GRIK3: variants seen among roughly 807,000 people sequenced by gnomAD.
The protein encoded by GRIK3 is glutamate receptor ionotropic, kainate 3.
A neutral mutation model predicts 102.5 loss-of-function variants in GRIK3; 29 were observed. The ratio of observed to expected loss-of-function variants is 0.28; its 90% confidence interval spans 0.21 to 0.39. The LOEUF (loss-of-function observed/expected upper bound fraction) is 0.39, where lower values mean the gene tolerates loss of function less well. GRIK3 is among the 10% of genes least tolerant of loss of function. GRIK3 has a pLI of 1.00. For synonymous variants in GRIK3, 511 were observed against 504.9 expected, an observed-to-expected ratio of 1.01 and a Z score of -0.16; for missense variants, 908 against 1,252.4, an observed-to-expected ratio of 0.73 and a Z score of 4.15.
intron 10 of GRIK3, among the ~76,000 whole-genome samples, chr1:36,829,412 T>G (rs533122711): frequency 2.0e-5 from 3 of 151,614 alleles, no homozygotes; most frequent in South Asian, 2.1e-4. Flanking sequence ...GTTTTTTGTT[T>G]TTTTTTTTTA....
intron 1 of GRIK3, among the ~76,000 whole-genome samples, chr1:36,957,947 C>A (rs373677409): frequency 1.4e-5 from 1 of 69,984 alleles, no homozygotes. Context: ...GCCTGTGTGT[C>A]CCATGACTCT....
In GRIK3 at chr1:36,802,055, G is replaced by C. The variant is rs369295496; in HGVS notation, c.2566-10C>G. On this transcript the variant is annotated splice_polypyrimidine_tract_variant and intron_variant, in intron 15 of 15. Transcript: ENST00000373091. ...TGCTGCAGAAGGAACGCTGCAGGAG[G>C]GTGGAGGAGAGGGGTCGGAAAAGGG... 1.3e-6 allele frequency: 2 copies of C among 1,598,254 alleles called. No individual in the cohort carries two copies. Among genetic ancestry groups the C allele is most frequent in the African/African-American group, 2.7e-5 (2 of 74,586 alleles).
rs191138981 is a variant in GRIK3 at position 36,805,718 on chromosome 1, C to T, written c.2314+386G>A. Among the ~76,000 whole-genome samples the T allele has an allele frequency of 1.4e-4, 21 of 152,110 alleles. No individual in the cohort carries two copies. In the East Asian group the frequency reaches 3.7e-3, roughly 27 times the overall value. Reference sequence around the variant, plus strand: ...TTGGGAGGCTGAGGTGGGGAGATCACGTGAGGTCGGGAGTTCGAGACCAGC... The same window carrying T: ...TTGGGAGGCTGAGGTGGGGAGATCATGTGAGGTCGGGAGTTCGAGACCAGC... On this transcript the variant is annotated intron_variant, in intron 14 of 15. Transcript: ENST00000373091.
chr1:36,902,532 A>T (rs1329651170), intron 1 of GRIK3, among the ~76,000 whole-genome samples: 1 of 152,206 alleles, frequency 6.6e-6, no homozygotes, highest in African/African-American at 2.4e-5. Context: ...TCCACATGCA[A>T]AAAAGAATCT....
rs774258723 is a variant in GRIK3 at position 36,986,465 on chromosome 1, C to CCCATCCAT, written c.115+47521_115+47528dup. Among the ~76,000 whole-genome samples, 606 of 115,236 alleles carry CCCATCCAT rather than the reference C, an allele frequency of 5.3e-3. 3 individuals are homozygous for CCCATCCAT. Among genetic ancestry groups the CCCATCCAT allele is most frequent in the African/African-American group, 8.2e-3 (257 of 31,322 alleles). The allele number at this position is 115,236 out of a possible 152,430, so 75.6% of individuals were successfully genotyped here. A position where few individuals can be genotyped will look rare whatever the true frequency, so the allele number is the denominator to read the frequency against. On this transcript the variant is annotated intron_variant, in intron 1 of 15. Coordinates refer to ENST00000373091, the MANE Select transcript of GRIK3 (RefSeq NM_000831.4). ...ATCCATCCATCCATCCATCCATCAGCCCATCCATCCATCCATCCATCCATC... is the reference window on the plus strand; with the variant it reads ...ATCCATCCATCCATCCATCCATCAGCCCATCCATCCATCCATCCATCCATCCATCCATC...
chr1:36,939,108 A>T (rs889939558), intron 1 of GRIK3, among the ~76,000 whole-genome samples: 3 of 152,228 alleles, frequency 2.0e-5, no homozygotes, highest in African/African-American at 7.2e-5. Context: ...CTACTGACAC[A>T]TCAGCTACTT....
chr1:36,864,214 G>A lies in GRIK3; in HGVS notation c.787-4197C>T, dbSNP rs376475941. On this transcript the variant is annotated intron_variant, in intron 5 of 15. Coordinates refer to ENST00000373091, the MANE Select transcript of GRIK3 (RefSeq NM_000831.4). Reference sequence around the variant, plus strand: ...TCTACAGACTGGAAGTTTAGGAGAGGGTTGGTAAACTGCCTGGGGTGGAGG... The same window carrying A: ...TCTACAGACTGGAAGTTTAGGAGAGAGTTGGTAAACTGCCTGGGGTGGAGG... 5.3e-5 allele frequency among the ~76,000 whole-genome samples: 8 copies of A among 152,246 alleles called. 1 individual carries two copies. The highest frequency in any genetic ancestry group is 1.9e-4 in the African/African-American group (8 of 41,550).
chr1:36,846,234 C>T (rs1345602094), intron 9 of GRIK3, among the ~76,000 whole-genome samples: 1 of 152,136 alleles, frequency 6.6e-6, no homozygotes, highest in Non-Finnish European at 1.5e-5. Context: ...TCTCCTGCTG[C>T]TGCTGTTTCC....
At chr1:37,017,963 A>AT in intron 1 of GRIK3, among the ~76,000 whole-genome samples, 1 of 152,016 alleles carries the variant, frequency 6.6e-6, no homozygotes, top group Middle Eastern at 3.4e-3. Context: ...TGATGCTGCC[A>AT]TTTTTTTCAG....
chr1:36,979,633 A>G (rs1642230031), intron 1 of GRIK3, among the ~76,000 whole-genome samples: 1 of 152,228 alleles, frequency 6.6e-6, no homozygotes, highest in Non-Finnish European at 1.5e-5. Context: ...CCTGGCTCAT[A>G]AAGAAGAGTT....
chr1:36,911,593 C>T (rs188893088), intron 1 of GRIK3, among the ~76,000 whole-genome samples: 161 of 152,078 alleles, frequency 1.1e-3, no homozygotes, highest in African/African-American at 3.1e-3. Context: ...GATTGAGTTC[C>T]GGGGCCTGGT....
At chr1:37,017,960 G>C (rs956137176) in intron 1 of GRIK3, among the ~76,000 whole-genome samples, 12 of 152,116 alleles carry the variant, frequency 7.9e-5, no homozygotes, top group African/African-American at 2.9e-4. Flanking sequence ...TGCTGATGCT[G>C]CCATTTTTTT....
rs114552030 is a variant in GRIK3 at position 36,801,894 on chromosome 1, T to C, written c.2717A>G (p.Asp906Gly). 2 of 1,613,268 alleles carry C rather than the reference T, an allele frequency of 1.2e-6. No individual in the cohort carries two copies. Among genetic ancestry groups the C allele is most frequent in the East Asian group, 2.2e-5 (1 of 44,876 alleles). ...TAAGGATGTGCTGCAGGCCATGCTG[T>C]CCTTGCCGGGAAGCCGGCGGTCATT... The part of the protein sequence containing the change: ...TFNDRRLPGK[D>G]SMACSTSLAP... Residue 906 changes from aspartate (D) to glycine (G), a missense_variant, in exon 16 of 16, where the codon GAC (aspartate) becomes GGC (glycine). By Grantham distance (94) the Asp-to-Gly change is moderately conservative (BLOSUM62 -1). Transcript: ENST00000373091.
intron 1 of GRIK3, among the ~76,000 whole-genome samples, chr1:36,970,284 A>G (rs538844274): frequency 3.9e-5 from 6 of 152,182 alleles, no homozygotes; most frequent in South Asian, 2.1e-4. Flanking sequence ...GGTCATCCGT[A>G]TGTCTTCCAC....
chr1:36,982,135 C>T (rs985783323), intron 1 of GRIK3, among the ~76,000 whole-genome samples: 2 of 152,168 alleles, frequency 1.3e-5, no homozygotes, highest in Non-Finnish European at 2.9e-5. Context: ...ACATCCCACG[C>T]GGCATGTCTC....
rs1023091188 is a variant in GRIK3, at chr1:36,945,820, G to T, written c.116-54724C>A. Among the ~76,000 whole-genome samples the T allele has an allele frequency of 5.9e-5, 9 of 152,292 alleles. 1 individual carries two copies. In the South Asian group the frequency reaches 1.9e-3, roughly 32 times the overall value. On this transcript the variant is annotated intron_variant, in intron 1 of 15. Transcript: ENST00000373091. ...CCAAGGTCACACAGCTGATGAATGGGGACTCTGGATGTTCTGCTCTTCCTA... is the reference window on the plus strand; with the variant it reads ...CCAAGGTCACACAGCTGATGAATGGTGACTCTGGATGTTCTGCTCTTCCTA...
At chr1:36,954,607 A>G (rs1423619806) in intron 1 of GRIK3, among the ~76,000 whole-genome samples, 1 of 152,150 alleles carries the variant, frequency 6.6e-6, no homozygotes, top group Non-Finnish European at 1.5e-5. Flanking sequence ...CAGGTAGCAC[A>G]TGTCTGTGTT....
chr1:36,943,706 C>T (rs918297792), intron 1 of GRIK3, among the ~76,000 whole-genome samples: 2 of 152,208 alleles, frequency 1.3e-5, no homozygotes, highest in African/African-American at 4.8e-5. Context: ...TTAATGATAG[C>T]CAGCTATCAC....
chr1:36,887,773 T>A (rs1292649162), intron 2 of GRIK3, among the ~76,000 whole-genome samples: 4 of 93,290 alleles, frequency 4.3e-5, no homozygotes, highest in Admixed American at 1.3e-4. Flanking sequence ...AAAAAAAAAA[T>A]ATATATATAT....
Sources: gnomAD v4.1 joint callset for allele counts (sites outside exome capture counted in the v4.1 genomes callset) on GRCh38, gnomAD v4.1.1 for gene constraint, MANE v1.5 for transcripts, NCBI Gene and HGNC (gene_info 2026-07-23, HGNC 2026-07-21) for gene names.